The following C8orf34 variants were observed in gnomAD, a reference collection of about 807,000 sequenced individuals.
The protein encoded by C8orf34 is chromosome 8 open reading frame 34.
Under a neutral mutation model 68.3 loss-of-function variants are expected in C8orf34, and 65 were observed. That is an observed-to-expected ratio of 0.95 (90% CI 0.78 to 1.17). The LOEUF is 1.17. Among genes scored for constraint, C8orf34 ranks in the 50% most tolerant of loss-of-function variants. The pLI is 0.00. For synonymous variants in C8orf34, 244 were observed against 241.2 expected (o/e 1.01, Z -0.11); for missense variants, 664 against 655.4 (o/e 1.01, Z -0.14).
Position 68,815,880 on chromosome 8 carries a change from G to A in C8orf34, c.1550-6G>A. 1 of 1,613,620 alleles carries A rather than the reference G, an allele frequency of 6.2e-7. No individual in the cohort carries two copies. Among genetic ancestry groups the A allele is most frequent in the Non-Finnish European group, 8.5e-7 (1 of 1,179,678 alleles). Reference sequence around the variant, plus strand: ...GCATATTATCTCTGTTTCTTTTGTTGTGCAGGTTCCGCTGATCTTCTTCTT... The same window carrying A: ...GCATATTATCTCTGTTTCTTTTGTTATGCAGGTTCCGCTGATCTTCTTCTT... On this transcript the variant is annotated splice_region_variant and splice_polypyrimidine_tract_variant and intron_variant, in intron 12 of 13. Transcript: ENST00000518698.
intron 1 of C8orf34, among the ~76,000 whole-genome samples, chr8:68,411,793 A>AT (rs1206585281): frequency 2.6e-5 from 4 of 152,090 alleles, no homozygotes; most frequent in Admixed American, 6.6e-5. Context: ...AATTATACAG[A>AT]TTTTTTTCTA....
chr8:68,742,335 G>T (rs1822319311), intron 10 of C8orf34, among the ~76,000 whole-genome samples: 1 of 152,098 alleles, frequency 6.6e-6, no homozygotes, highest in Non-Finnish European at 1.5e-5. Context: ...TTCCAAACCT[G>T]ATCCTAGCCT....
chr8:68,340,166 C>T (rs1022932208), intron 1 of C8orf34, among the ~76,000 whole-genome samples: 1 of 151,968 alleles, frequency 6.6e-6, no homozygotes, highest in Non-Finnish European at 1.5e-5. Flanking sequence ...AGTGGGAATG[C>T]AAAATGGTCC....
intron 7 of C8orf34, among the ~76,000 whole-genome samples, chr8:68,596,796 T>A (rs1227230002): frequency 6.6e-6 from 1 of 152,118 alleles, no homozygotes; most frequent in Non-Finnish European, 1.5e-5. Flanking sequence ...AGCAAGATAC[T>A]CTAAGTTCCA....
intron 13 of C8orf34, among the ~76,000 whole-genome samples, chr8:68,817,299 A>C (rs984381833): frequency 6.6e-6 from 1 of 152,190 alleles, no homozygotes; most frequent in Admixed American, 6.5e-5. Context: ...GTCAAGAGAA[A>C]GTAATGTCTA....
At chr8:68,375,123 C>A (rs1004582098) in intron 1 of C8orf34, among the ~76,000 whole-genome samples, 3 of 152,160 alleles carry the variant, frequency 2.0e-5, no homozygotes, top group Non-Finnish European at 4.4e-5. Context: ...TCTTATTGGA[C>A]TAGCTCAATT....
rs55679268 is a variant in C8orf34, at chr8:68,604,484, A to G, written c.1106-35892A>G. ...ACAAGTTCTAGATGAACAACAAATT[A>G]GTTATAGCAATAAGTGCAGATATTT... On this transcript the variant is annotated intron_variant, in intron 7 of 13. Coordinates refer to ENST00000518698, the MANE Select transcript of C8orf34 (RefSeq NM_052958.4). 9.6e-3 allele frequency among the ~76,000 whole-genome samples: 1,463 copies of G among 152,252 alleles called. 26 individuals carry two copies. The highest frequency in any genetic ancestry group is 0.034 in the African/African-American group (1,403 of 41,546).
chr8:68,733,956 A>G (rs1012899259), intron 10 of C8orf34, among the ~76,000 whole-genome samples: 1 of 152,146 alleles, frequency 6.6e-6, no homozygotes, highest in Non-Finnish European at 1.5e-5. Flanking sequence ...TGTGAATCAG[A>G]TGTCTGTATT....
Position 68,610,861 on chromosome 8 carries a change from G to GTT in C8orf34, c.1106-29496_1106-29495dup, listed in dbSNP as rs60113883. The stretch of plus-strand genomic sequence containing the variant: ...GTTTTCTGGTTACAGTGAATCTTTG[G>GTT]TTTTTTTTTTTTTTTTTTTTGAGAC... On this transcript the variant is annotated intron_variant, in intron 7 of 13. Coordinates refer to ENST00000518698, the MANE Select transcript of C8orf34 (RefSeq NM_052958.4). 1.1e-3 allele frequency among the ~76,000 whole-genome samples: 132 copies of GTT among 120,424 alleles called. 2 individuals carry two copies. The highest frequency in any genetic ancestry group is 1.4e-3 in the African/African-American group (40 of 28,860). 79.0% of individuals were successfully genotyped at this position (120,424 alleles called of 152,430 possible). A position where few individuals can be genotyped will look rare whatever the true frequency, so the allele number is the denominator to read the frequency against.
chr8:68,378,180 G>C (rs1031958899), intron 1 of C8orf34, among the ~76,000 whole-genome samples: 2 of 152,126 alleles, frequency 1.3e-5, no homozygotes, highest in Middle Eastern at 3.2e-3. Flanking sequence ...ATTTGTTCAA[G>C]AAATGTATAT....
intron 1 of C8orf34, among the ~76,000 whole-genome samples, chr8:68,408,022 C>T (rs1424010990): frequency 6.6e-6 from 1 of 152,124 alleles, no homozygotes; most frequent in South Asian, 2.1e-4. Flanking sequence ...CCGGGCTGCA[C>T]AGCAGGAGGT....
chr8:68,578,654 A>G (rs1816976061), intron 7 of C8orf34, among the ~76,000 whole-genome samples: 1 of 151,814 alleles, frequency 6.6e-6, no homozygotes, highest in South Asian at 2.1e-4. Flanking sequence ...ATATATATAT[A>G]TATTTCAATA....
intron 10 of C8orf34, among the ~76,000 whole-genome samples, chr8:68,729,990 G>A (rs1002622218): frequency 6.6e-6 from 1 of 152,028 alleles, no homozygotes; most frequent in South Asian, 2.1e-4. Context: ...TATGTAAATT[G>A]GTTTAAATAG....
At chr8:68,361,261 G>A (rs542123827) in intron 1 of C8orf34, among the ~76,000 whole-genome samples, 95 of 152,260 alleles carry the variant, frequency 6.2e-4, no homozygotes, top group African/African-American at 2.2e-3. Context: ...CTCACCTAGG[G>A]AGCACTGCAA....
chr8:68,488,139 T>C, intron 5 of C8orf34, 88 bp downstream of exon 5: 1 of 960,760 alleles, frequency 1.0e-6, no homozygotes, highest in Non-Finnish European at 1.5e-6. Context: ...TTCTGAAACA[T>C]AAAATGTTCA....
intron 6 of C8orf34, among the ~76,000 whole-genome samples, chr8:68,527,319 T>C (rs1221508897): frequency 6.6e-6 from 1 of 152,196 alleles, no homozygotes; most frequent in Non-Finnish European, 1.5e-5. Flanking sequence ...GGCTCACGCC[T>C]GTAAGCGCTC....
At chr8:68,702,689 G>A (rs184688817) in intron 8 of C8orf34, among the ~76,000 whole-genome samples, 1 of 152,180 alleles carries the variant, frequency 6.6e-6, no homozygotes, top group Admixed American at 6.5e-5. Flanking sequence ...TTGTTAATTT[G>A]CTTATTTAAA....
intron 3 of C8orf34, among the ~76,000 whole-genome samples, chr8:68,460,078 C>T (rs554353898): frequency 2.0e-5 from 3 of 152,300 alleles, no homozygotes; most frequent in East Asian, 3.9e-4. Context: ...AATCGGGTCA[C>T]TCCCACCCTA....
chr8:68,494,628 G>T (rs1008001053), intron 5 of C8orf34, among the ~76,000 whole-genome samples: 1 of 152,076 alleles, frequency 6.6e-6, no homozygotes, highest in Non-Finnish European at 1.5e-5. Flanking sequence ...GGCCGAGGAG[G>T]TGGATCACTT....
Sources: gnomAD v4.1 joint callset for allele counts (sites outside exome capture counted in the v4.1 genomes callset) on GRCh38, gnomAD v4.1.1 for gene constraint, MANE v1.5 for transcripts, NCBI Gene and HGNC (gene_info 2026-07-23, HGNC 2026-07-21) for gene names.